The following ZNF385A variants were observed in gnomAD, a reference collection of about 807,000 sequenced individuals.
The protein encoded by ZNF385A is hematopoietic zinc finger protein.
Under a neutral mutation model 32.1 loss-of-function variants are expected in ZNF385A, and 14 were observed. That is an observed-to-expected ratio of 0.44 (90% confidence interval 0.29 to 0.68). The LOEUF is 0.68. ZNF385A is among the 30% of genes least tolerant of loss of function. The pLI is 0.14. For missense variants in ZNF385A, 406 were observed against 478.4 expected, an observed-to-expected ratio of 0.85 and a Z score of 1.41; for synonymous variants, 197 against 202.7, an observed-to-expected ratio of 0.97 and a Z score of 0.24.
chr12:54,370,191 G>A lies in ZNF385A; in HGVS notation c.*65C>T. ...GAGTGCCGGGAGGAGGGGCGGGCTG[G>A]GAGCCCGGACGCCTGGGTCCCGGCT... On this transcript the variant is annotated 3_prime_UTR_variant, in exon 7 of 7. Coordinates refer to ENST00000394313, the MANE Select transcript of ZNF385A (RefSeq NM_015481.3). The surrounding 1 kb of genome is among the most constrained non-coding windows in gnomAD (Gnocchi z 5.5). 7.9e-7 allele frequency: 1 copy of A among 1,272,428 alleles called. No homozygotes were observed. Among genetic ancestry groups the A allele is most frequent in the Non-Finnish European group, 1.0e-6 (1 of 957,072 alleles). 78.8% of individuals were successfully genotyped at this position (1,272,428 alleles called of 1,614,324 possible). A position where few individuals can be genotyped will look rare whatever the true frequency, so the allele number is the denominator to read the frequency against.
At chr12:54,374,387 C>T (rs988667955) in intron 2 of ZNF385A, among the ~76,000 whole-genome samples, 5 of 117,492 alleles carry the variant, frequency 4.3e-5, no homozygotes, top group Admixed American at 1.6e-4. Context: ...ACACCCAGGG[C>T]CTGGCTGCTG....
At chr12:54,378,147 G>A (rs1210037816) in intron 1 of ZNF385A, among the ~76,000 whole-genome samples, 1 of 152,152 alleles carries the variant, frequency 6.6e-6, no homozygotes, top group Non-Finnish European at 1.5e-5. Flanking sequence ...GAGTCAGGTG[G>A]GTGCTTCCCA....
At chr12:54,389,850 G>C (rs1299498759) in intron 1 of ZNF385A, among the ~76,000 whole-genome samples, 1 of 152,244 alleles carries the variant, frequency 6.6e-6, no homozygotes, top group East Asian at 1.9e-4. Context: ...TCTTGAGAAG[G>C]AGGCAGGCAA....
At chr12:54,373,925 T>C (rs376501983) in intron 3 of ZNF385A, 48 bp downstream of exon 3, 4 of 1,422,158 alleles carry the variant, frequency 2.8e-6, no homozygotes, top group East Asian at 2.5e-5. Flanking sequence ...GGGGAGAGAA[T>C]AGAGAAGACA....
At chr12:54,390,321 G>C (rs574868278) in intron 1 of ZNF385A, among the ~76,000 whole-genome samples, 2 of 152,198 alleles carry the variant, frequency 1.3e-5, no homozygotes, top group East Asian at 1.9e-4. Flanking sequence ...CCAGAGCACA[G>C]CTAGGCCCTT....
chr12:54,371,379 G>C, intron 4 of ZNF385A, 94 bp downstream of exon 4: 6 of 1,494,584 alleles, frequency 4.0e-6, no homozygotes, highest in Non-Finnish European at 5.4e-6. Context: ...GGTCTTAGAT[G>C]GTCTAGGGAT....
At chr12:54,391,208 G>A in intron 1 of ZNF385A, 1 of 1,474,646 alleles carries the variant, frequency 6.8e-7, no homozygotes, top group Admixed American at 2.3e-5. Context: ...CAGGAGCCGG[G>A]AGCCTGGAGT....
At chr12:54,380,333 T>C (rs964503462) in intron 1 of ZNF385A, among the ~76,000 whole-genome samples, 2 of 152,234 alleles carry the variant, frequency 1.3e-5, no homozygotes, top group Admixed American at 6.5e-5. Context: ...AGTACTATTA[T>C]TATCTTCATT....
intron 1 of ZNF385A, 112 bp from the exon 2 acceptor site, chr12:54,376,066 A>G: frequency 7.6e-6 from 6 of 784,454 alleles, no homozygotes; most frequent in Non-Finnish European, 6.6e-6. Flanking sequence ...TCTATCCCTT[A>G]ATATGCCTGA....
At chr12:54,387,072 G>C (rs1955509795), upstream of ZNF385A, among the ~76,000 whole-genome samples, 1 of 152,192 alleles carries the variant, frequency 6.6e-6, no homozygotes, top group African/African-American at 2.4e-5. Flanking sequence ...ACTCCCAAAG[G>C]GCTTGAATTT....
upstream of ZNF385A, among the ~76,000 whole-genome samples, chr12:54,387,628 G>T (rs1955527330): frequency 1.3e-5 from 2 of 152,242 alleles, no homozygotes; most frequent in Admixed American, 1.3e-4. Flanking sequence ...CTGACTCTCA[G>T]TCTCATTTCT....
chr12:54,391,137 C>T, intron 1 of ZNF385A: 1 of 1,317,300 alleles, frequency 7.6e-7, no homozygotes, highest in Non-Finnish European at 1.0e-6. Flanking sequence ...CGGGCGGCCG[C>T]AGTCACCGCG....
exon 1 of ZNF385A, chr12:54,391,291 G>A: frequency 7.5e-7 from 1 of 1,324,696 alleles, no homozygotes; most frequent in South Asian, 1.9e-5. Context: ...TGTCCCGGGG[G>A]CCGTTCTGGC....
chr12:54,389,814 G>A lies in ZNF385A; in HGVS notation c.10+1421C>T, dbSNP rs189992817. ...CAGGGTGGTATTCATAGAAGGGTGG[G>A]TAATACCTTCCCCTGCTGGAGAGGC... On this transcript the variant is annotated intron_variant, in intron 1 of 7. Transcript: ENST00000338010. Among the ~76,000 whole-genome samples, 4 of 152,076 alleles carry A rather than the reference G, an allele frequency of 2.6e-5. No individual in the cohort carries two copies. The East Asian group carries it at 7.7e-4, about 29-fold the overall frequency.
In ZNF385A at chr12:54,390,736, A is replaced by C. The variant is rs572049164; in HGVS notation, c.10+499T>G. ...CCCTCAGGTTCCCACCTCCCACCAC[A>C]CTCACCTCGAAGCTACACCCACCAT... On this transcript the variant is annotated intron_variant, in intron 1 of 7. Coordinates refer to the ZNF385A transcript ENST00000338010. Among the ~76,000 whole-genome samples the C allele has an allele frequency of 6.7e-5, 9 of 134,586 alleles. No homozygotes were observed. In the East Asian group the frequency reaches 2.0e-3, roughly 30 times the overall value. 88.3% of individuals were successfully genotyped at this position (134,586 alleles called of 152,430 possible). A position where few individuals can be genotyped will look rare whatever the true frequency, so the allele number is the denominator to read the frequency against.
chr12:54,382,882 T>A (rs1955269321), intron 1 of ZNF385A, among the ~76,000 whole-genome samples: 1 of 152,024 alleles, frequency 6.6e-6, no homozygotes, highest in Non-Finnish European at 1.5e-5. Flanking sequence ...ACAAAACAAA[T>A]AGGCCAGGCA....
upstream of ZNF385A, among the ~76,000 whole-genome samples, chr12:54,386,453 G>T (rs76243791): frequency 0.074 from 11,256 of 152,174 alleles, 536 homozygotes; most frequent in Non-Finnish European, 0.11. Flanking sequence ...TAAAAGAGAA[G>T]AGAGAGGGAC....
intron 1 of ZNF385A, among the ~76,000 whole-genome samples, chr12:54,377,602 T>C (rs1434790496): frequency 6.6e-6 from 1 of 152,216 alleles, no homozygotes; most frequent in African/African-American, 2.4e-5. Context: ...TGTGTTTATC[T>C]GTGTAAATGT....
chr12:54,390,609 G>T (rs992093231), intron 1 of ZNF385A, among the ~76,000 whole-genome samples: 3 of 151,966 alleles, frequency 2.0e-5, no homozygotes, highest in Non-Finnish European at 4.4e-5. Flanking sequence ...AGCCGCAGGA[G>T]CCCTGGATGG....
Sources: gnomAD v4.1 joint callset for allele counts (sites outside exome capture counted in the v4.1 genomes callset) on GRCh38, gnomAD v4.1.1 for gene constraint, Gnocchi (gnomAD v3.1) non-coding constraint, MANE v1.5 for transcripts, NCBI Gene and HGNC (gene_info 2026-07-23, HGNC 2026-07-21) for gene names.